The following GRK3 variants were observed in gnomAD, a reference collection of about 807,000 sequenced individuals.
GRK3 encodes the protein adrenergic, beta, receptor kinase 2.
In GRK3, 54 loss-of-function variants were observed where a neutral mutation model predicts 95.7. The observed-to-expected ratio is 0.56, with a 90% CI of 0.45 to 0.71. GRK3 has a LOEUF of 0.71. Ranked by LOEUF, GRK3 falls within the 30% of genes least tolerant of loss-of-function variation. The pLI is 0.00. For missense variants in GRK3, 649 were observed against 851.2 expected, an observed-to-expected ratio of 0.76 and a Z score of 2.96; for synonymous variants, 281 against 290.8, an observed-to-expected ratio of 0.97 and a Z score of 0.34.
chr22:25,648,866 TGAA>T, intron 3 of GRK3: 1 of 952,998 alleles, frequency 1.0e-6, no homozygotes, highest in Non-Finnish European at 1.7e-6. Context: ...CAAGGTTAAT[TGAA>T]GACAATGAAT....
At chr22:25,619,251 C>A (rs2084562536) in intron 2 of GRK3, among the ~76,000 whole-genome samples, 1 of 152,250 alleles carries the variant, frequency 6.6e-6, no homozygotes, top group East Asian at 1.9e-4. Context: ...CAGTTTGGGT[C>A]ATGATAACAG....
intron 13 of GRK3, among the ~76,000 whole-genome samples, chr22:25,701,190 C>T (rs2085256458): frequency 6.6e-6 from 1 of 152,222 alleles, no homozygotes; most frequent in Non-Finnish European, 1.5e-5. Context: ...AAGCTGTTGA[C>T]AGGCCTGTTA....
intron 6 of GRK3, among the ~76,000 whole-genome samples, chr22:25,670,300 C>T (rs1377290626): frequency 6.6e-6 from 1 of 151,768 alleles, no homozygotes; most frequent in African/African-American, 2.4e-5. Context: ...TCGACACCAG[C>T]CTGTACAACA....
chr22:25,690,061 A>T, intron 11 of GRK3, 128 bp from the exon 12 acceptor site: 1 of 648,684 alleles, frequency 1.5e-6, no homozygotes, highest in Non-Finnish European at 2.7e-6. Flanking sequence ...GATGGGCTAA[A>T]GCTATAATTT....
At chr22:25,585,919 C>T (rs1932282805) in intron 1 of GRK3, among the ~76,000 whole-genome samples, 2 of 152,392 alleles carry the variant, frequency 1.3e-5, no homozygotes, top group South Asian at 4.1e-4. Flanking sequence ...TTGCTATATA[C>T]ACTCTTACTT....
At chr22:25,647,144 C>G in intron 3 of GRK3, 1 of 412,208 alleles carries the variant, frequency 2.4e-6, no homozygotes, top group Non-Finnish European at 4.3e-6. Flanking sequence ...AAATGGAGGA[C>G]GAGGAGGTGG....
At chr22:25,623,711 G>A (rs1438808183) in intron 2 of GRK3, among the ~76,000 whole-genome samples, 1 of 152,026 alleles carries the variant, frequency 6.6e-6, no homozygotes, top group African/African-American at 2.4e-5. Context: ...TAATGACACC[G>A]CTGTTCTCCA....
intron 1 of GRK3, among the ~76,000 whole-genome samples, chr22:25,596,905 C>T (rs2084376455): frequency 6.6e-6 from 1 of 152,128 alleles, no homozygotes; most frequent in African/African-American, 2.4e-5. Context: ...ATTATAAGCA[C>T]TTATAGTACC....
Position 25,685,156 on chromosome 22 carries a change from T to C in GRK3, c.748-14T>C. 1 of 1,592,786 alleles carries C rather than the reference T, an allele frequency of 6.3e-7. No homozygotes were observed. Among genetic ancestry groups the C allele is most frequent in the East Asian group, 2.2e-5 (1 of 44,686 alleles). On this transcript the variant is annotated splice_polypyrimidine_tract_variant and intron_variant, in intron 9 of 20. Coordinates refer to ENST00000324198, the MANE Select transcript of GRK3 (RefSeq NM_005160.4). ...CTTTTGCTCTTCTTATAAACTTTTA[T>C]TGTTTCACTCTAGGACTGTCCTTTC...
chr22:25,710,621 C>T (rs1224739789), intron 16 of GRK3, among the ~76,000 whole-genome samples: 2 of 152,200 alleles, frequency 1.3e-5, no homozygotes, highest in Admixed American at 1.3e-4. Flanking sequence ...TCTGTCAGTC[C>T]TACTGAATTA....
At chr22:25,593,869 C>G (rs1185379553) in intron 1 of GRK3, among the ~76,000 whole-genome samples, 23 of 152,112 alleles carry the variant, frequency 1.5e-4, no homozygotes, top group Admixed American at 1.5e-3. Flanking sequence ...GGAGTCCTTT[C>G]TCTCTTATTT....
intron 2 of GRK3, among the ~76,000 whole-genome samples, chr22:25,640,876 T>A (rs1222441373): frequency 6.6e-6 from 1 of 152,212 alleles, no homozygotes; most frequent in Non-Finnish European, 1.5e-5. Flanking sequence ...TAGGTCACCA[T>A]TTTTTACTCT....
chr22:25,578,663 C>T (rs530836747), intron 1 of GRK3, among the ~76,000 whole-genome samples: 2 of 152,182 alleles, frequency 1.3e-5, no homozygotes, highest in African/African-American at 4.8e-5. Flanking sequence ...CAACCAACCA[C>T]TGCTGGCCTT....
intron 3 of GRK3, chr22:25,647,380 G>T: frequency 7.7e-7 from 1 of 1,304,946 alleles, no homozygotes; most frequent in Non-Finnish European, 1.1e-6. Flanking sequence ...GTGTCACCAT[G>T]TCCATCATCT....
intron 4 of GRK3, among the ~76,000 whole-genome samples, chr22:25,662,059 CTT>C (rs1308094350): frequency 1.3e-5 from 2 of 152,288 alleles, no homozygotes; most frequent in African/African-American, 4.8e-5. Flanking sequence ...TAAATGGTCT[CTT>C]TGAATGAATA....
intron 1 of GRK3, among the ~76,000 whole-genome samples, chr22:25,584,063 G>A (rs1048332080): frequency 2.0e-5 from 3 of 152,214 alleles, no homozygotes; most frequent in African/African-American, 7.2e-5. Context: ...AGAATCAACT[G>A]GGGGCAGAAG....
chr22:25,629,214 A>G (rs1052228518), intron 2 of GRK3, among the ~76,000 whole-genome samples: 4 of 152,136 alleles, frequency 2.6e-5, no homozygotes, highest in Non-Finnish European at 5.9e-5. Context: ...TGCTCGCTTG[A>G]AGCCCTAAAG....
intron 18 of GRK3, among the ~76,000 whole-genome samples, chr22:25,717,263 C>T (rs1029697870): frequency 6.6e-6 from 1 of 152,024 alleles, no homozygotes; most frequent in African/African-American, 2.4e-5. Flanking sequence ...GGAACCTACC[C>T]CTTGTGGCTA....
At position 25,709,261 on chromosome 22, in the gene GRK3, T is replaced by C. The variant is rs1003979642; in HGVS notation, c.1329-637T>C. ...ACCGTGTTAGCCAGGATGGTCTTGA[T>C]CTCCTGACCTCGTGATCTGCCCGCC... On this transcript the variant is annotated intron_variant, in intron 15 of 20. Transcript: ENST00000324198. Among the ~76,000 whole-genome samples the C allele has an allele frequency of 4.6e-5, 7 of 152,086 alleles. No individual in the cohort carries two copies. In the East Asian group the frequency reaches 1.4e-3, roughly 29 times the overall value.
Sources: allele counts gnomAD v4.1 joint callset (sites outside exome capture counted in the v4.1 genomes callset), GRCh38; gene constraint gnomAD v4.1.1; transcripts MANE v1.5; gene names NCBI Gene and HGNC (gene_info 2026-07-23, HGNC 2026-07-21).